The following NTM variants were observed in gnomAD, a reference collection of about 807,000 sequenced individuals.
The protein encoded by NTM is neurotrimin, also known as IgLON family member 2.
In NTM, 13 loss-of-function variants were observed where a neutral mutation model predicts 42.1. The observed-to-expected ratio is 0.31, with a 90% CI of 0.20 to 0.49. The LOEUF (loss-of-function observed/expected upper bound fraction) is 0.49, where lower values mean the gene tolerates loss of function less well. Ranked by LOEUF, NTM falls within the 20% of genes least tolerant of loss-of-function variation. NTM has a pLI of 0.99. For synonymous variants in NTM, 187 were observed against 179.2 expected (o/e 1.04, Z -0.35); for missense variants, 373 against 452.8 (o/e 0.82, Z 1.60).
chr11:132,222,784 C>A (rs930054068), intron 4 of NTM, among the ~76,000 whole-genome samples: 2 of 152,164 alleles, frequency 1.3e-5, no homozygotes, highest in African/African-American at 4.8e-5. Context: ...CCCTGAAAAA[C>A]AAACCTCTTT....
At chr11:131,753,091 G>C (rs1424335529) in intron 1 of NTM, among the ~76,000 whole-genome samples, 1 of 151,974 alleles carries the variant, frequency 6.6e-6, no homozygotes, top group Non-Finnish European at 1.5e-5. Flanking sequence ...GACATGAACA[G>C]ACACTTCTCA....
chr11:131,374,574 G>A (rs973696840), intron 1 of NTM, among the ~76,000 whole-genome samples: 6 of 152,270 alleles, frequency 3.9e-5, no homozygotes, highest in African/African-American at 1.2e-4. Flanking sequence ...GGCGTCCTGC[G>A]TAGTGTCTTC....
chr11:131,623,707 G>GT (rs2062808635), intron 1 of NTM, among the ~76,000 whole-genome samples: 1 of 152,198 alleles, frequency 6.6e-6, no homozygotes, highest in Non-Finnish European at 1.5e-5. Context: ...GCTCCAGTGT[G>GT]TCCCCCTCTG....
At chr11:131,624,191 C>T (rs149255438) in intron 1 of NTM, among the ~76,000 whole-genome samples, 8 of 152,256 alleles carry the variant, frequency 5.3e-5, no homozygotes, top group Middle Eastern at 3.4e-3. Flanking sequence ...TCCCTTAGTG[C>T]GGTCCGGCCT....
At chr11:131,887,817 G>A (rs2050644330) in intron 1 of NTM, among the ~76,000 whole-genome samples, 1 of 152,192 alleles carries the variant, frequency 6.6e-6, no homozygotes, top group African/African-American at 2.4e-5. Context: ...CTATATTGTG[G>A]TGGCTTATCA....
At chr11:131,812,424 C>A (rs1370379147) in intron 1 of NTM, among the ~76,000 whole-genome samples, 1 of 152,138 alleles carries the variant, frequency 6.6e-6, no homozygotes, top group Non-Finnish European at 1.5e-5. Flanking sequence ...CTGAAGAGCA[C>A]TTCATATTTG....
chr11:131,396,660 C>G (rs1004261462), intron 1 of NTM, among the ~76,000 whole-genome samples: 2 of 151,954 alleles, frequency 1.3e-5, no homozygotes, highest in Non-Finnish European at 2.9e-5. Context: ...ATGGTGAAAC[C>G]CTGTCTCCAC....
Position 132,068,449 on chromosome 11 carries a change from A to G in NTM, c.168-77833A>G, listed in dbSNP as rs140942638. Reference sequence around the variant, plus strand: ...GTATAACAAAAATTGCCTTTCTTCTAGTTTCCAACAACATGCTTCTAATTT... The same window carrying G: ...GTATAACAAAAATTGCCTTTCTTCTGGTTTCCAACAACATGCTTCTAATTT... On this transcript the variant is annotated intron_variant, in intron 2 of 8. Transcript: ENST00000683400. Among the ~76,000 whole-genome samples the G allele has an allele frequency of 6.2e-3, 941 of 152,150 alleles. 7 individuals are homozygous for G. The highest frequency in any genetic ancestry group is 0.022 in the African/African-American group (893 of 41,432).
chr11:131,710,755 C>G (rs2077037225), intron 1 of NTM, among the ~76,000 whole-genome samples: 1 of 152,184 alleles, frequency 6.6e-6, no homozygotes, highest in Non-Finnish European at 1.5e-5. Context: ...TGGAGTCATT[C>G]TGATTCACTA....
intron 1 of NTM, among the ~76,000 whole-genome samples, chr11:131,468,965 A>G (rs772518967): frequency 6.6e-6 from 1 of 152,230 alleles, no homozygotes; most frequent in Non-Finnish European, 1.5e-5. Flanking sequence ...AGGCAGAACA[A>G]TTGGATGAAA....
chr11:131,678,426 ATGAGGGCAGC>A (rs914606493), intron 1 of NTM, among the ~76,000 whole-genome samples: 3 of 152,252 alleles, frequency 2.0e-5, no homozygotes, highest in Non-Finnish European at 4.4e-5. Context: ...CACAGAAGCC[ATGAGGGCAGC>A]TGAGGCCCCA....
At chr11:132,249,276 A>G (rs966226553) in intron 4 of NTM, among the ~76,000 whole-genome samples, 2 of 152,026 alleles carry the variant, frequency 1.3e-5, no homozygotes, top group African/African-American at 4.8e-5. Context: ...GTGTGATGAG[A>G]GGGTGTGTGT....
chr11:132,315,250 C>A (rs1478548962), intron 7 of NTM, among the ~76,000 whole-genome samples: 1 of 152,264 alleles, frequency 6.6e-6, no homozygotes, highest in South Asian at 2.1e-4. Context: ...ACATGAAGAG[C>A]CCCACCTTCG....
At chr11:131,633,766 C>CCTCCCTCTCTCTCCCT (rs1565355326) in intron 1 of NTM, among the ~76,000 whole-genome samples, 3 of 40,032 alleles carry the variant, frequency 7.5e-5, no homozygotes, top group Non-Finnish European at 1.2e-4. Context: ...CCTCTCTCTC[C>CCTCCCTCTCTCTCCCT]CTCTCTCTCT....
chr11:131,866,944 C>T (rs1388974397), intron 1 of NTM, among the ~76,000 whole-genome samples: 1 of 152,038 alleles, frequency 6.6e-6, no homozygotes, highest in Admixed American at 6.5e-5. Context: ...TCCCAGTTCC[C>T]GTGGAATGAC....
At chr11:131,655,533 C>T (rs1045502925) in intron 1 of NTM, among the ~76,000 whole-genome samples, 2 of 152,154 alleles carry the variant, frequency 1.3e-5, no homozygotes, top group African/African-American at 2.4e-5. Flanking sequence ...TGTTTCTGTG[C>T]AGGGGGCTGC....
intron 4 of NTM, among the ~76,000 whole-genome samples, chr11:132,232,296 A>G (rs549902689): frequency 6.7e-6 from 1 of 149,120 alleles, no homozygotes; most frequent in South Asian, 2.1e-4. Context: ...GTTGGCAAAC[A>G]TTAGGGGAAA....
intron 2 of NTM, among the ~76,000 whole-genome samples, chr11:131,990,350 T>A (rs1284656686): frequency 6.6e-6 from 1 of 152,182 alleles, no homozygotes; most frequent in Non-Finnish European, 1.5e-5. Flanking sequence ...CAGTAGAGGA[T>A]GCTAGAGAAT....
chr11:132,200,683 G>C (rs1423789784), intron 3 of NTM, among the ~76,000 whole-genome samples: 1 of 152,202 alleles, frequency 6.6e-6, no homozygotes, highest in Non-Finnish European at 1.5e-5. Context: ...CCAGCAGATT[G>C]ACAGCTCAGA....
Sources: gnomAD v4.1 joint callset for allele counts (sites outside exome capture counted in the v4.1 genomes callset) on GRCh38, gnomAD v4.1.1 for gene constraint, MANE v1.5 for transcripts, NCBI Gene and HGNC (gene_info 2026-07-23, HGNC 2026-07-21) for gene names.